CENPI: variants seen among roughly 807,000 people sequenced by gnomAD.
CENPI encodes the protein FSH primary response 1.
In CENPI, 4 loss-of-function variants were observed where a neutral mutation model predicts 60.4. The ratio of observed to expected loss-of-function variants is 0.07; its 90% CI spans 0.03 to 0.15. CENPI has a LOEUF of 0.15. CENPI is among the 10% of genes least tolerant of loss of function. The pLI is 1.00. For synonymous variants in CENPI, 157 were observed against 189.4 expected (o/e 0.83, Z 1.40); for missense variants, 444 against 534.5 (o/e 0.83, Z 1.67).
At chrX:101,142,923 G>T (rs1302916013) in intron 16 of CENPI, among the ~76,000 whole-genome samples, 2 of 109,337 alleles carry the variant, frequency 1.8e-5, no homozygotes, top group Admixed American at 9.9e-5. Flanking sequence ...AAATACAAAA[G>T]TTAGCTGGGT....
the CENPI span, among the ~76,000 whole-genome samples, chrX:101,181,651 A>G: frequency 8.9e-6 from 1 of 112,492 alleles, no homozygotes; most frequent in African/African-American, 3.2e-5. Flanking sequence ...CAACCTTGCT[A>G]GCTCATTTAA....
rs772648211 is a variant in CENPI at position 101,127,612 on chromosome X, C to G, written c.1021C>G (p.Leu341Val). The change falls in exon 11 of 22, where the codon CTA (leucine) becomes GTA (valine). Residue 341 changes from leucine (L) to valine (V), a missense_variant. Leu to Val is a conservative substitution (Grantham distance 32). Coordinates refer to ENST00000682095, the MANE Select transcript of CENPI (RefSeq NM_001386188.2). ...DCLNRSGSFP[L>V]EQLQSFPQLL... ...TCTGAATAGAAGTGGATCATTTCCA[C>G]TAGAACAACTTCAAAGCTTCCCCCA... The G allele has an allele frequency of 2.3e-5, 28 of 1,192,984 alleles. No homozygotes were observed. Among genetic ancestry groups the G allele is most frequent in the Middle Eastern group, 4.9e-4 (2 of 4,100 alleles).
chrX:101,149,675 T>C (rs1188181791), intron 20 of CENPI, among the ~76,000 whole-genome samples: 1 of 110,159 alleles, frequency 9.1e-6, no homozygotes, highest in Non-Finnish European at 1.9e-5. Context: ...CCTGGCTAAT[T>C]TTTATATTTT....
At chrX:101,151,855 AAACAAG>A (rs1298044826) in intron 20 of CENPI, among the ~76,000 whole-genome samples, 2 of 108,780 alleles carry the variant, frequency 1.8e-5, no homozygotes, top group Non-Finnish European at 3.8e-5. Flanking sequence ...AAAAAAAAAA[AAACAAG>A]AACAACAAAA....
chrX:101,127,274 T>A lies in CENPI; in HGVS notation c.906+8T>A. On this transcript the variant is annotated splice_region_variant and intron_variant, in intron 10 of 21. Transcript: ENST00000682095. Reference sequence around the variant, plus strand: ...GTTCGTCCTCTAAAAAGAGTAAGTATCTAAAGCTCAAACAACTTGCATGGC... The same window carrying A: ...GTTCGTCCTCTAAAAAGAGTAAGTAACTAAAGCTCAAACAACTTGCATGGC... 8.7e-7 allele frequency: 1 copy of A among 1,153,485 alleles called. No homozygotes were observed. Among genetic ancestry groups the A allele is most frequent in the Non-Finnish European group, 1.2e-6 (1 of 869,156 alleles).
At chrX:101,113,479 G>A (rs1800969802) in intron 6 of CENPI, among the ~76,000 whole-genome samples, 1 of 110,787 alleles carries the variant, frequency 9.0e-6, no homozygotes, top group South Asian at 3.8e-4. Context: ...ACCACGCCCA[G>A]CTAATTTTTT....
At chrX:101,115,269 T>A (rs1354816287) in intron 6 of CENPI, among the ~76,000 whole-genome samples, 1 of 109,394 alleles carries the variant, frequency 9.1e-6, no homozygotes, top group Non-Finnish European at 1.9e-5. Context: ...CGGCCATTTA[T>A]TTTTTTCATT....
intron 6 of CENPI, among the ~76,000 whole-genome samples, chrX:101,119,584 C>G (rs923276475): frequency 2.0e-4 from 22 of 111,601 alleles, no homozygotes; most frequent in African/African-American, 7.2e-4. Context: ...TTTACAAAAA[C>G]AGGTAGACCA....
At chrX:101,179,524 C>CT in the CENPI span, among the ~76,000 whole-genome samples, 2,052 of 102,800 alleles carry the variant, frequency 0.02, 24 homozygotes, top group Middle Eastern at 0.025. Flanking sequence ...TTCTTTCTTT[C>CT]TTTTTTTTTT....
intron 21 of CENPI, 142 bp from the exon 22 acceptor site, chrX:101,162,691 T>C (rs1427478570): frequency 1.7e-6 from 1 of 586,124 alleles, no homozygotes; most frequent in Non-Finnish European, 2.7e-6. Context: ...TGTTACTTAG[T>C]GACTGAGCTC....
chrX:101,109,347 C>A, intron 4 of CENPI, 126 bp from the exon 5 acceptor site: 1 of 516,272 alleles, frequency 1.9e-6, no homozygotes, highest in Non-Finnish European at 3.3e-6. Context: ...TCCCAAAGTG[C>A]TGGGATTACA....
At chrX:101,109,118 G>A (rs769895581) in intron 4 of CENPI, among the ~76,000 whole-genome samples, 1 of 62,136 alleles carries the variant, frequency 1.6e-5, no homozygotes, top group South Asian at 1.2e-3. Context: ...TTTTGGTCTT[G>A]TTGTCCAGGC....
chrX:101,167,387 C>T (rs2090147106), downstream of CENPI, among the ~76,000 whole-genome samples: 2 of 112,041 alleles, frequency 1.8e-5, no homozygotes, highest in Admixed American at 9.5e-5. Flanking sequence ...TTGCGTTGTA[C>T]GTTGCCCTTG....
chrX:101,121,339 A>T (rs1387675287), intron 8 of CENPI, among the ~76,000 whole-genome samples: 10 of 110,090 alleles, frequency 9.1e-5, no homozygotes, highest in Non-Finnish European at 1.9e-4. Flanking sequence ...CCCAGGCTGG[A>T]GTGCAGTGGG....
rs2090139001 is a variant in CENPI, at chrX:101,165,152, T to C, written c.*2185T>C. 2.7e-5 allele frequency among the ~76,000 whole-genome samples: 3 copies of C among 112,277 alleles called. No individual in the cohort carries two copies. In the South Asian group the frequency reaches 1.1e-3, roughly 41 times the overall value. ...TGACATAAGGAAGAAAGCCAGGTCC[T>C]TATAGCCTGGCATGGATATGTAAAT... On this transcript the variant is annotated 3_prime_UTR_variant, in exon 22 of 22. Coordinates refer to ENST00000682095, the MANE Select transcript of CENPI (RefSeq NM_001386188.2).
chrX:101,099,276 C>G (rs887491998), intron 2 of CENPI, among the ~76,000 whole-genome samples: 7 of 109,429 alleles, frequency 6.4e-5, no homozygotes, highest in African/African-American at 2.3e-4. Context: ...TAAAATACAA[C>G]AAATAGCCGG....
At chrX:101,176,749 T>G in the CENPI span, among the ~76,000 whole-genome samples, 3 of 113,255 alleles carry the variant, frequency 2.6e-5, no homozygotes, top group Non-Finnish European at 5.6e-5. Context: ...TTGTTTCCTT[T>G]GCTGCGCAAA....
rs377659499 is a variant in CENPI at position 101,102,264 on chromosome X, C to A, written c.227-10C>A. 2 of 1,142,029 alleles carry A rather than the reference C, an allele frequency of 1.8e-6. No individual in the cohort carries two copies. The highest frequency in any genetic ancestry group is 2.3e-6 in the Non-Finnish European group (2 of 853,362). The allele number at this position is 1,142,029 out of a possible 1,213,427, so 94.1% of individuals were successfully genotyped here. A position where few individuals can be genotyped will look rare whatever the true frequency, so the allele number is the denominator to read the frequency against. ...AAGGTCTCACTATTTAATATTGTTT[C>A]TTTTTTCAGGTCCCATTAAAGCTTC... On this transcript the variant is annotated splice_polypyrimidine_tract_variant and intron_variant, in intron 3 of 21. Transcript: ENST00000682095.
At chrX:101,125,562 T>G (rs1232819211) in intron 8 of CENPI, among the ~76,000 whole-genome samples, 1 of 110,749 alleles carries the variant, frequency 9.0e-6, no homozygotes, top group Non-Finnish European at 1.9e-5. Context: ...ACAGCCGGCC[T>G]AATTTTTGTA....
Sources: gnomAD v4.1 joint callset for allele counts (sites outside exome capture counted in the v4.1 genomes callset) on GRCh38, gnomAD v4.1.1 for gene constraint, MANE v1.5 for transcripts, NCBI Gene and HGNC (gene_info 2026-07-23, HGNC 2026-07-21) for gene names.